Variants in TMC1 observed in about 807,000 individuals in gnomAD.
The protein encoded by TMC1 is transmembrane channel like 1, also known as transmembrane channel-like protein 1.
Under a neutral mutation model 105.8 loss-of-function variants are expected in TMC1, and 84 were observed. The ratio of observed to expected loss-of-function variants is 0.79; its 90% confidence interval spans 0.67 to 0.95. The LOEUF (loss-of-function observed/expected upper bound fraction) is 0.95, where lower values mean the gene tolerates loss of function less well. TMC1 is among the 40% of genes least tolerant of loss of function. The pLI, the probability that TMC1 is intolerant of heterozygous loss-of-function variation, is 0.00. For synonymous variants in TMC1, 315 were observed against 311.5 expected (o/e 1.01, Z -0.12); for missense variants, 817 against 914.1 (o/e 0.89, Z 1.37).
chr9:72,832,954 C>T (rs190361639), intron 23 of TMC1, among the ~76,000 whole-genome samples: 9 of 152,230 alleles, frequency 5.9e-5, no homozygotes, highest in Admixed American at 2.0e-4. Flanking sequence ...CTAAGACAAA[C>T]ACTTTCAATT....
At chr9:72,599,259 G>A (rs971697522) in intron 2 of TMC1, among the ~76,000 whole-genome samples, 7 of 152,112 alleles carry the variant, frequency 4.6e-5, no homozygotes, top group African/African-American at 1.7e-4. Flanking sequence ...TCAAACTCCT[G>A]GCCTCAGGTG....
rs369367125 is a variant in TMC1, at chr9:72,790,355, C to T, written c.1224+1038C>T. On this transcript the variant is annotated intron_variant, in intron 15 of 23. Transcript: ENST00000297784. ...ATTTCAGAAGTGGTACCAATAGAGACGGGACTAGATATTTTAAAGACTTTA... is the reference window on the plus strand; with the variant it reads ...ATTTCAGAAGTGGTACCAATAGAGATGGGACTAGATATTTTAAAGACTTTA... Among the ~76,000 whole-genome samples, 11 of 152,058 alleles carry T rather than the reference C, an allele frequency of 7.2e-5. 1 individual carries two copies. In the South Asian group the frequency reaches 1.2e-3, roughly 17 times the overall value.
intron 8 of TMC1, among the ~76,000 whole-genome samples, chr9:72,717,445 A>G (rs1012120021): frequency 1.3e-5 from 2 of 151,832 alleles, no homozygotes; most frequent in East Asian, 1.9e-4. Context: ...ATGTGTTTCC[A>G]TGGTTCGTTT....
chr9:72,702,292 C>G (rs1826658513), intron 8 of TMC1, among the ~76,000 whole-genome samples: 1 of 152,028 alleles, frequency 6.6e-6, no homozygotes, highest in South Asian at 2.1e-4. Flanking sequence ...GTAGAAATAC[C>G]CCCCTGGTCT....
intron 1 of TMC1, among the ~76,000 whole-genome samples, chr9:72,559,263 T>G (rs1290493463): frequency 1.3e-5 from 2 of 152,042 alleles, no homozygotes; most frequent in African/African-American, 4.8e-5. Context: ...CCTCACTAAT[T>G]TTTTGTATTT....
At chr9:72,783,296 A>G (rs1448369885) in intron 13 of TMC1, among the ~76,000 whole-genome samples, 1 of 152,172 alleles carries the variant, frequency 6.6e-6, no homozygotes, top group Non-Finnish European at 1.5e-5. Context: ...TAAAACAGGG[A>G]AACCGACAGT....
intron 8 of TMC1, among the ~76,000 whole-genome samples, chr9:72,727,493 G>T (rs1827142449): frequency 6.6e-6 from 1 of 152,016 alleles, no homozygotes; most frequent in African/African-American, 2.4e-5. Flanking sequence ...CCAGAATTTT[G>T]GGTGGGTCCT....
chr9:72,650,872 T>TTATATATATATATA (rs71495328), intron 5 of TMC1, among the ~76,000 whole-genome samples: 184 of 119,764 alleles, frequency 1.5e-3, no homozygotes, highest in African/African-American at 3.0e-3. Flanking sequence ...ATGGTGTATT[T>TTATATATATATATA]TATATATATA....
intron 2 of TMC1, among the ~76,000 whole-genome samples, chr9:72,597,420 C>G (rs982002177): frequency 5.3e-5 from 8 of 152,102 alleles, no homozygotes; most frequent in Non-Finnish European, 1.2e-4. Context: ...AAGGAAGGGC[C>G]CCCTTCAGGG....
intron 1 of TMC1, among the ~76,000 whole-genome samples, chr9:72,569,298 C>CT (rs899980202): frequency 2.9e-4 from 43 of 147,972 alleles, no homozygotes; most frequent in East Asian, 3.9e-4. Context: ...ACAGATGCAA[C>CT]TTTTTTTTTT....
chr9:72,653,505 C>T (rs1034404072), intron 5 of TMC1, among the ~76,000 whole-genome samples: 2 of 152,154 alleles, frequency 1.3e-5, no homozygotes, highest in African/African-American at 2.4e-5. Context: ...ACTGTTGATA[C>T]ATCTAACAAT....
intron 23 of TMC1, among the ~76,000 whole-genome samples, chr9:72,833,319 A>G (rs1829071369): frequency 6.6e-6 from 1 of 152,078 alleles, no homozygotes; most frequent in Admixed American, 6.6e-5. Flanking sequence ...TGTTTCAGTG[A>G]TGCATTTAAT....
chr9:72,590,013 A>G (rs1824610945), intron 2 of TMC1, among the ~76,000 whole-genome samples: 3 of 152,178 alleles, frequency 2.0e-5, no homozygotes, highest in Admixed American at 2.0e-4. Flanking sequence ...ATGCTGACTT[A>G]TCTTGTGATC....
chr9:72,746,003 T>C (rs368729010), intron 10 of TMC1, among the ~76,000 whole-genome samples: 5 of 152,216 alleles, frequency 3.3e-5, no homozygotes. Flanking sequence ...ATACTTTTGA[T>C]TGATAAATCC....
chr9:72,658,528 T>A (rs1825919289), intron 5 of TMC1, among the ~76,000 whole-genome samples: 1 of 152,214 alleles, frequency 6.6e-6, no homozygotes, highest in Admixed American at 6.5e-5. Flanking sequence ...TTCTAGCTAA[T>A]TTTTAACTCT....
intron 4 of TMC1, among the ~76,000 whole-genome samples, chr9:72,631,265 C>T (rs1191498011): frequency 6.6e-6 from 1 of 152,146 alleles, no homozygotes. Context: ...ATAAAAATTA[C>T]AAATGCAAAT....
intron 8 of TMC1, among the ~76,000 whole-genome samples, chr9:72,729,916 CAG>C (rs1228524389): frequency 6.6e-6 from 1 of 152,174 alleles, no homozygotes; most frequent in Non-Finnish European, 1.5e-5. Context: ...ATTAGACAAA[CAG>C]GGAATTATCT....
intron 4 of TMC1, among the ~76,000 whole-genome samples, chr9:72,642,957 T>G (rs1376816927): frequency 6.6e-6 from 1 of 152,188 alleles, no homozygotes; most frequent in Non-Finnish European, 1.5e-5. Flanking sequence ...GTTTTGCCTT[T>G]TCAAGAGTGT....
At chr9:72,771,177 C>G (rs1273684927) in intron 12 of TMC1, among the ~76,000 whole-genome samples, 1 of 152,140 alleles carries the variant, frequency 6.6e-6, no homozygotes, top group Non-Finnish European at 1.5e-5. Context: ...CGTGCAGTCC[C>G]GAGTTAAGCA....
Sources: gnomAD v4.1 joint callset for allele counts (sites outside exome capture counted in the v4.1 genomes callset) on GRCh38, gnomAD v4.1.1 for gene constraint, MANE v1.5 for transcripts, NCBI Gene and HGNC (gene_info 2026-07-23, HGNC 2026-07-21) for gene names.